Variants in DYNC2I2 observed in about 807,000 individuals in gnomAD.
The protein encoded by DYNC2I2 is dynein 2 intermediate chain 2.
In DYNC2I2, 39 loss-of-function variants were observed where a neutral mutation model predicts 52.0. That is an observed-to-expected ratio of 0.75 (90% confidence interval 0.58 to 0.98). The LOEUF is 0.98. DYNC2I2 is among the 50% of genes least tolerant of loss of function. The probability of loss-of-function intolerance (pLI) is 0.00; values close to 1 mark genes in which losing one functional copy is unlikely to be tolerated. For synonymous variants in DYNC2I2, 359 were observed against 321.1 expected (o/e 1.12, Z -1.26); for missense variants, 743 against 728.4 (o/e 1.02, Z -0.23).
chr9:128,671,620 G>C, the DYNC2I2 span, among the ~76,000 whole-genome samples: 1 of 149,702 alleles, frequency 6.7e-6, no homozygotes, highest in African/African-American at 2.5e-5. Context: ...CTACAGGTGC[G>C]TGCCACCACG....
At chr9:128,648,661 G>A (rs546536564) in intron 1 of DYNC2I2, among the ~76,000 whole-genome samples, 15 of 151,290 alleles carry the variant, frequency 9.9e-5, no homozygotes, top group East Asian at 7.8e-4. Context: ...TTAGCCAAGC[G>A]TGTTGGCGGG....
chr9:128,658,962 T>G (rs1860886527), upstream of DYNC2I2, among the ~76,000 whole-genome samples: 1 of 151,212 alleles, frequency 6.6e-6, no homozygotes, highest in Non-Finnish European at 1.5e-5. Context: ...AACTCCTGGG[T>G]TCAAGTGAAC....
intron 1 of DYNC2I2, among the ~76,000 whole-genome samples, chr9:128,642,098 TAACACGGTGA>T (rs1860524689): frequency 6.6e-6 from 1 of 151,372 alleles, no homozygotes; most frequent in Non-Finnish European, 1.5e-5. Context: ...CCATCCTGGC[TAACACGGTGA>T]AACCCAATCT....
At chr9:128,681,362 A>T in the DYNC2I2 span, among the ~76,000 whole-genome samples, 77 of 152,318 alleles carry the variant, frequency 5.1e-4, no homozygotes, top group African/African-American at 1.8e-3. Flanking sequence ...AAGTGCTGGG[A>T]TTACAGGTGT....
intron 1 of DYNC2I2, among the ~76,000 whole-genome samples, chr9:128,645,872 T>C (rs1349478523): frequency 6.6e-6 from 1 of 152,194 alleles, no homozygotes; most frequent in Non-Finnish European, 1.5e-5. Flanking sequence ...ACACAAATTA[T>C]AAGTGAAACA....
chr9:128,659,510 AACAC>A (rs1491143329), upstream of DYNC2I2, among the ~76,000 whole-genome samples: 1 of 150,776 alleles, frequency 6.6e-6, no homozygotes, highest in Non-Finnish European at 1.5e-5. Context: ...AAAAAAAAAA[AACAC>A]ACACACAAAC....
At chr9:128,681,646 A>T in the DYNC2I2 span, among the ~76,000 whole-genome samples, 1 of 152,282 alleles carries the variant, frequency 6.6e-6, no homozygotes, top group East Asian at 1.9e-4. Context: ...CTTGGCATGC[A>T]GTTTTCCACC....
chr9:128,680,813 T>C, the DYNC2I2 span, among the ~76,000 whole-genome samples: 1 of 152,114 alleles, frequency 6.6e-6, no homozygotes, highest in East Asian at 1.9e-4. Flanking sequence ...TAGCTGGGAT[T>C]ACAGGCGTGT....
chr9:128,659,586 G>A (rs1318806150), upstream of DYNC2I2, among the ~76,000 whole-genome samples: 3 of 151,400 alleles, frequency 2.0e-5, no homozygotes, highest in Middle Eastern at 3.5e-3. Flanking sequence ...GGAAACATAG[G>A]GACACCTCGT....
the DYNC2I2 span, among the ~76,000 whole-genome samples, chr9:128,669,440 C>G: frequency 2.0e-5 from 3 of 151,920 alleles, no homozygotes; most frequent in Non-Finnish European, 4.4e-5. Context: ...GCTCACACTT[C>G]TAGTCCCAGC....
rs1564338254 is a variant in DYNC2I2, at chr9:128,634,731, T to C, written c.1172A>G (p.His391Arg). The C allele has an allele frequency of 6.3e-7, 1 of 1,595,336 alleles. No individual in the cohort carries two copies. Among genetic ancestry groups the C allele is most frequent in the Non-Finnish European group, 8.5e-7 (1 of 1,171,720 alleles). The part of the protein sequence containing the change: ...RAPAQFTFSP[H>R]GGPIYSVSCS... ...GCTCACAGAGTAGATGGGACCGCCGTGGGGGGAGAAGGTAAACTGTGCTGG... is the reference window on the plus strand; with the variant it reads ...GCTCACAGAGTAGATGGGACCGCCGCGGGGGGAGAAGGTAAACTGTGCTGG... The change falls in exon 7 of 9, where the codon CAC (histidine) becomes CGC (arginine). Residue 391 changes from histidine to arginine, a missense_variant. By Grantham distance (29) the His-to-Arg change is conservative (BLOSUM62 0). Transcript: ENST00000372715.
chr9:128,636,969 G>A lies in DYNC2I2; in HGVS notation c.494C>T (p.Thr165Ile), dbSNP rs1564339959. The A allele has an allele frequency of 1.2e-6, 2 of 1,613,496 alleles. No homozygotes were observed. The highest frequency in any genetic ancestry group is 1.7e-6 in the Non-Finnish European group (2 of 1,180,012). ...GCCAGTGGAGTTCCAGGAGATGCTGGTCACATGCAGACCCTGCGCTTGGGC... is the reference window on the plus strand; with the variant it reads ...GCCAGTGGAGTTCCAGGAGATGCTGATCACATGCAGACCCTGCGCTTGGGC... ...PPAQAQGLHV[T>I]SISWNSTGSV... Residue 165 changes from threonine to isoleucine, a missense_variant, in exon 3 of 9, where the codon ACC becomes ATC. Coordinates refer to ENST00000372715, the MANE Select transcript of DYNC2I2 (RefSeq NM_052844.4).
chr9:128,659,241 G>A (rs1860889653), upstream of DYNC2I2, among the ~76,000 whole-genome samples: 1 of 151,876 alleles, frequency 6.6e-6, no homozygotes, highest in Non-Finnish European at 1.5e-5. Context: ...GCCGGGCGCG[G>A]TGGCTCACAA....
At chr9:128,639,946 G>A (rs574629231) in intron 2 of DYNC2I2, among the ~76,000 whole-genome samples, 7 of 151,318 alleles carry the variant, frequency 4.6e-5, no homozygotes, top group Admixed American at 1.3e-4. Context: ...GATTACAGGC[G>A]TGAGCCACTG....
chr9:128,641,280 G>A (rs1302014954), intron 1 of DYNC2I2, among the ~76,000 whole-genome samples: 1 of 152,072 alleles, frequency 6.6e-6, no homozygotes, highest in Non-Finnish European at 1.5e-5. Flanking sequence ...GATGCGGAGG[G>A]CAGGCAGAAC....
intron 1 of DYNC2I2, among the ~76,000 whole-genome samples, chr9:128,648,217 G>T (rs918178165): frequency 6.6e-6 from 1 of 150,798 alleles, no homozygotes; most frequent in African/African-American, 2.4e-5. Flanking sequence ...GAGCACCCTG[G>T]CCAACATGGC....
At chr9:128,656,929 C>A, upstream of DYNC2I2, 1 of 516,896 alleles carries the variant, frequency 1.9e-6, no homozygotes. Flanking sequence ...ATACCCTGTC[C>A]CCAGAAAAAG....
At chr9:128,668,032 C>T in the DYNC2I2 span, among the ~76,000 whole-genome samples, 17 of 112,100 alleles carry the variant, frequency 1.5e-4, no homozygotes, top group Non-Finnish European at 2.4e-4. Flanking sequence ...ACAATCCCAG[C>T]TCACTGCAAC....
chr9:128,655,379 C>T (rs376274605), intron 1 of DYNC2I2, among the ~76,000 whole-genome samples: 45 of 129,556 alleles, frequency 3.5e-4, no homozygotes, highest in Middle Eastern at 4.8e-3. Context: ...GGCGTGGTGG[C>T]GGGCGCCTGT....
Sources: gnomAD v4.1 joint callset for allele counts (sites outside exome capture counted in the v4.1 genomes callset) on GRCh38, gnomAD v4.1.1 for gene constraint, MANE v1.5 for transcripts, NCBI Gene and HGNC (gene_info 2026-07-23, HGNC 2026-07-21) for gene names.